Variants in RABGAP1L observed in about 807,000 individuals in gnomAD.
The protein encoded by RABGAP1L is rab GTPase-activating protein 1-like.
RABGAP1L carries 63 observed loss-of-function variants against 137.7 expected under a neutral mutation model. That is an observed-to-expected ratio of 0.46 (90% CI 0.37 to 0.56). The LOEUF is 0.56. Ranked by LOEUF, RABGAP1L falls within the 20% of genes least tolerant of loss-of-function variation. The pLI, the probability that RABGAP1L is intolerant of heterozygous loss-of-function variation, is 0.00. For synonymous variants in RABGAP1L, 431 were observed against 433.7 expected, an observed-to-expected ratio of 0.99 and a Z score of 0.08; for missense variants, 1,095 against 1,244.0, an observed-to-expected ratio of 0.88 and a Z score of 1.80.
chr1:174,439,397 G>T (rs972841854), intron 13 of RABGAP1L, among the ~76,000 whole-genome samples: 8 of 152,040 alleles, frequency 5.3e-5, no homozygotes, highest in Non-Finnish European at 1.2e-4. Flanking sequence ...CACTTCAGAG[G>T]GTTTATTTGA....
Position 174,934,632 on chromosome 1 carries a change from A to G in RABGAP1L, c.2341-22825A>G, listed in dbSNP as rs1031620664. On this transcript the variant is annotated intron_variant, in intron 19 of 25. Transcript: ENST00000681986. ...CAGCAAAACCTCATCTCCCCAAAAA[A>G]ATACAAAAAATAGCTGCTAGTGGTG... 2.0e-5 allele frequency among the ~76,000 whole-genome samples: 3 copies of G among 151,834 alleles called. No homozygotes were observed. In the East Asian group the frequency reaches 5.9e-4, roughly 30 times the overall value.
chr1:174,355,286 A>G (rs1283190839), intron 11 of RABGAP1L, among the ~76,000 whole-genome samples: 2 of 152,106 alleles, frequency 1.3e-5, no homozygotes, highest in Non-Finnish European at 2.9e-5. Context: ...TGCAGCCATA[A>G]AAAATGATGA....
At chr1:174,968,500 G>GTT (rs5778822) in intron 20 of RABGAP1L, among the ~76,000 whole-genome samples, 213 of 146,904 alleles carry the variant, frequency 1.4e-3, no homozygotes, top group Middle Eastern at 3.5e-3. Context: ...TAGTGACTTG[G>GTT]TTTTTTTTTT....
intron 13 of RABGAP1L, among the ~76,000 whole-genome samples, chr1:174,477,846 G>C (rs1658663047): frequency 6.6e-6 from 1 of 151,984 alleles, no homozygotes; most frequent in Non-Finnish European, 1.5e-5. Flanking sequence ...AGATCAATTA[G>C]TGCTTAAATT....
At chr1:174,330,413 C>T (rs1680933722) in intron 11 of RABGAP1L, among the ~76,000 whole-genome samples, 1 of 152,014 alleles carries the variant, frequency 6.6e-6, no homozygotes, top group Non-Finnish European at 1.5e-5. Context: ...GACGTTGTCT[C>T]TACCAAAATA....
chr1:174,417,227 C>T (rs1014532165), intron 13 of RABGAP1L, among the ~76,000 whole-genome samples: 8 of 152,124 alleles, frequency 5.3e-5, no homozygotes, highest in African/African-American at 1.4e-4. Flanking sequence ...ACACATAATA[C>T]GTATACTCTG....
At chr1:174,866,151 GAGAGA>G (rs1651199021) in intron 19 of RABGAP1L, among the ~76,000 whole-genome samples, 1 of 148,882 alleles carries the variant, frequency 6.7e-6, no homozygotes, top group Non-Finnish European at 1.5e-5. Flanking sequence ...GAGAGAGAGA[GAGAGA>G]GAGAGAGATG....
intron 22 of RABGAP1L, among the ~76,000 whole-genome samples, chr1:174,976,689 C>G (rs954215913): frequency 6.6e-6 from 1 of 152,202 alleles, no homozygotes; most frequent in Non-Finnish European, 1.5e-5. Flanking sequence ...GCTTTCAAAC[C>G]TATTTCCTGG....
intron 11 of RABGAP1L, 39 bp downstream of exon 11, chr1:174,305,166 A>G (rs770551075): frequency 2.7e-6 from 4 of 1,476,306 alleles, no homozygotes; most frequent in Middle Eastern, 1.8e-4. Context: ...CTGTCTGTAT[A>G]GCTGCTTTAC....
At chr1:174,170,997 C>G (rs987269102) in intron 1 of RABGAP1L, among the ~76,000 whole-genome samples, 1 of 152,156 alleles carries the variant, frequency 6.6e-6, no homozygotes, top group African/African-American at 2.4e-5. Context: ...GAAAAGTTAT[C>G]TATAAAGACA....
chr1:174,653,425 A>G (rs1208387983), intron 14 of RABGAP1L, among the ~76,000 whole-genome samples: 1 of 152,172 alleles, frequency 6.6e-6, no homozygotes, highest in African/African-American at 2.4e-5. Flanking sequence ...TGGTGTAGGC[A>G]TCCGAGGGAA....
chr1:174,925,859 GT>G (rs11340680), intron 19 of RABGAP1L, among the ~76,000 whole-genome samples: 79,694 of 128,758 alleles, frequency 0.62, 25,846 homozygotes, highest in African/African-American at 0.89. Flanking sequence ...TTTGTTGTTG[GT>G]TTTTTTTTTG....
chr1:174,257,987 C>A (rs1388806102), intron 7 of RABGAP1L, among the ~76,000 whole-genome samples: 1 of 152,152 alleles, frequency 6.6e-6, no homozygotes, highest in East Asian at 1.9e-4. Context: ...TGTTAAATTT[C>A]ATTGCTTCCT....
At chr1:174,767,020 A>G (rs2148717716) in intron 18 of RABGAP1L, among the ~76,000 whole-genome samples, 1 of 152,272 alleles carries the variant, frequency 6.6e-6, no homozygotes, top group South Asian at 2.1e-4. Flanking sequence ...TTTTCAACCA[A>G]TTGCCAATAA....
chr1:174,210,645 G>T (rs1036004426), intron 1 of RABGAP1L, among the ~76,000 whole-genome samples: 2 of 152,126 alleles, frequency 1.3e-5, no homozygotes, highest in Non-Finnish European at 2.9e-5. Context: ...GCCTTAAAGA[G>T]GAGATAGAGA....
chr1:174,783,600 C>G (rs561107127), intron 18 of RABGAP1L, among the ~76,000 whole-genome samples: 10 of 152,188 alleles, frequency 6.6e-5, no homozygotes, highest in Non-Finnish European at 8.8e-5. Flanking sequence ...ACAACTTACT[C>G]AAATCTGTAT....
chr1:174,676,222 T>A (rs1677615803), intron 14 of RABGAP1L, among the ~76,000 whole-genome samples: 1 of 152,206 alleles, frequency 6.6e-6, no homozygotes, highest in Non-Finnish European at 1.5e-5. Context: ...TTGTTGAGAC[T>A]ACATATATTA....
intron 10 of RABGAP1L, among the ~76,000 whole-genome samples, chr1:174,298,236 C>A (rs2148744280): frequency 6.6e-6 from 1 of 151,814 alleles, no homozygotes; most frequent in Non-Finnish European, 1.5e-5. Flanking sequence ...TTTCCGTCTT[C>A]TGTCCTTGCA....
At chr1:174,439,504 T>C (rs1237999736) in intron 13 of RABGAP1L, among the ~76,000 whole-genome samples, 1 of 151,836 alleles carries the variant, frequency 6.6e-6, no homozygotes, top group Non-Finnish European at 1.5e-5. Context: ...ATTTTTTAGA[T>C]GATAAGTAAT....
Sources: gnomAD v4.1 joint callset for allele counts (sites outside exome capture counted in the v4.1 genomes callset) on GRCh38, gnomAD v4.1.1 for gene constraint, MANE v1.5 for transcripts, NCBI Gene and HGNC (gene_info 2026-07-23, HGNC 2026-07-21) for gene names.